YBX3: variants seen among roughly 807,000 people sequenced by gnomAD.
YBX3 encodes the protein Y-box-binding protein 3.
YBX3 carries 29 observed loss-of-function variants against 42.4 expected under a neutral mutation model. That is an observed-to-expected ratio of 0.68 (90% confidence interval 0.51 to 0.93). YBX3 has a LOEUF of 0.93. Among genes scored for constraint, YBX3 ranks in the 40% least tolerant of loss-of-function variants. The pLI, the probability that YBX3 is intolerant of heterozygous loss-of-function variation, is 0.00. For synonymous variants in YBX3, 195 were observed against 189.8 expected, an observed-to-expected ratio of 1.03 and a Z score of -0.22; for missense variants, 517 against 527.5, an observed-to-expected ratio of 0.98 and a Z score of 0.19.
chr12:10,701,986 TAGG>T lies in YBX3; in HGVS notation c.1024_1026del (p.Pro342del), dbSNP rs1372632641. 22 of 1,613,560 alleles carry T rather than the reference TAGG, an allele frequency of 1.4e-5. No homozygotes were observed. The highest frequency in any genetic ancestry group is 1.8e-5 in the Non-Finnish European group (21 of 1,179,840). On this transcript the variant is annotated inframe_deletion, in exon 8 of 10. Transcript: ENST00000228251. ...TCTTTGCCATCTTGTGAAGGAGCGT[TAGG>T]AGGACGCGGGCGACGCCGGTAATTG...
At chr12:10,701,141 G>C in intron 9 of YBX3, 113 bp downstream of exon 9, 2 of 640,554 alleles carry the variant, frequency 3.1e-6, no homozygotes, top group Non-Finnish European at 5.7e-6. Context: ...AGAGACAAGG[G>C]GTTGGCACAG....
chr12:10,715,585 T>C, intron 4 of YBX3, 109 bp downstream of exon 4: 2 of 1,017,862 alleles, frequency 2.0e-6, no homozygotes, highest in Middle Eastern at 2.1e-4. Context: ...TTCCTGCTAT[T>C]GTACAAAAAT....
intron 4 of YBX3, 81 bp from the exon 5 acceptor site, chr12:10,713,414 A>G (rs898676616): frequency 5.0e-5 from 74 of 1,474,594 alleles, no homozygotes; most frequent in Admixed American, 2.2e-4. Flanking sequence ...CTGCTAGAGT[A>G]TAAGACTGGC....
chr12:10,705,154 C>T (rs535688534), intron 6 of YBX3, among the ~76,000 whole-genome samples: 4 of 152,176 alleles, frequency 2.6e-5, no homozygotes, highest in South Asian at 4.2e-4. Flanking sequence ...AGTGCAGTGG[C>T]GCGATCTCAG....
intron 6 of YBX3, among the ~76,000 whole-genome samples, chr12:10,706,590 G>T (rs1565587051): frequency 6.6e-6 from 1 of 152,126 alleles, no homozygotes; most frequent in Non-Finnish European, 1.5e-5. Context: ...ACTGTCCTTT[G>T]CTAGACAATC....
In YBX3 at chr12:10,715,796, C is replaced by A. The variant is rs377175710; in HGVS notation, c.361-13G>T. ...TCTTGATGGCAGTCTGGAAAGAGAA[C>A]AGAAAATTTTATTCGATGTATATTT... On this transcript the variant is annotated splice_polypyrimidine_tract_variant and intron_variant, in intron 3 of 9. Transcript: ENST00000228251. 8 of 1,610,056 alleles carry A rather than the reference C, an allele frequency of 5.0e-6. No homozygotes were observed. In the South Asian group the frequency reaches 8.8e-5, roughly 18 times the overall value.
At chr12:10,701,446 G>A in intron 8 of YBX3, 93 bp from the exon 9 acceptor site, 1 of 740,280 alleles carries the variant, frequency 1.4e-6, no homozygotes, top group Non-Finnish European at 2.5e-6. Flanking sequence ...ATTTTCCTGT[G>A]AAGGAAAATT....
At chr12:10,704,330 A>C in intron 6 of YBX3, 182 bp from the exon 7 acceptor site, 1 of 539,204 alleles carries the variant, frequency 1.9e-6, no homozygotes, top group Non-Finnish European at 3.3e-6. Flanking sequence ...CTGAAAAGGA[A>C]GACAAACCTA....
chr12:10,704,798 C>T (rs1356433575), intron 6 of YBX3, among the ~76,000 whole-genome samples: 13 of 152,306 alleles, frequency 8.5e-5, no homozygotes, highest in Non-Finnish European at 1.6e-4. Context: ...AAGTTCATAT[C>T]TGAAACCAAC....
At chr12:10,709,007 T>G (rs760105257) in intron 6 of YBX3, among the ~76,000 whole-genome samples, 1 of 152,212 alleles carries the variant, frequency 6.6e-6, no homozygotes, top group Non-Finnish European at 1.5e-5. Context: ...TCTCTCCATA[T>G]ATGTAAGTCT....
intron 7 of YBX3, chr12:10,702,786 G>A (rs879933376): frequency 4.6e-5 from 7 of 152,116 alleles, no homozygotes; most frequent in African/African-American, 9.7e-5. Context: ...ACAGAATTTA[G>A]CAGAGACTAA....
intron 6 of YBX3, among the ~76,000 whole-genome samples, chr12:10,705,061 AAAGT>A (rs1948122526): frequency 6.6e-6 from 1 of 152,150 alleles, no homozygotes; most frequent in South Asian, 2.1e-4. Flanking sequence ...ATTATGCACT[AAAGT>A]AAGTTATATC....
chr12:10,716,866 G>C (rs1948268828), intron 3 of YBX3, among the ~76,000 whole-genome samples: 2 of 152,146 alleles, frequency 1.3e-5, no homozygotes, highest in South Asian at 2.1e-4. Flanking sequence ...TGTTAAACTG[G>C]GCAAGCCTCA....
At chr12:10,717,995 A>C in intron 3 of YBX3, 93 bp downstream of exon 3, 1 of 1,046,108 alleles carries the variant, frequency 9.6e-7, no homozygotes, top group East Asian at 2.5e-5. Context: ...GATTAAAATA[A>C]TAATCCATAG....
At chr12:10,703,954 A>G (rs988287183) in intron 7 of YBX3, 97 bp downstream of exon 7, 1 of 1,153,288 alleles carries the variant, frequency 8.7e-7, no homozygotes, top group Admixed American at 1.8e-5. Context: ...CATCTTCTAG[A>G]TATATAATAA....
intron 6 of YBX3, among the ~76,000 whole-genome samples, chr12:10,706,444 A>G (rs1948137931): frequency 6.6e-6 from 1 of 152,186 alleles, no homozygotes; most frequent in Non-Finnish European, 1.5e-5. Context: ...CATTCTATTT[A>G]AACTTTTGTC....
intron 7 of YBX3, chr12:10,702,691 T>C (rs1425949651): frequency 6.6e-6 from 1 of 152,206 alleles, no homozygotes; most frequent in Non-Finnish European, 1.5e-5. Flanking sequence ...ACACATACTC[T>C]GTTCCTATCA....
chr12:10,699,801 T>TA (rs1247124526), intron 9 of YBX3, 147 bp from the exon 10 acceptor site: 1 of 152,590 alleles, frequency 6.6e-6, no homozygotes, highest in African/African-American at 2.4e-5. Flanking sequence ...TATAGATCTG[T>TA]AAGCTATATG....
At chr12:10,713,479 A>G (rs1948224558) in intron 4 of YBX3, 146 bp from the exon 5 acceptor site, 3 of 1,030,470 alleles carry the variant, frequency 2.9e-6, no homozygotes, top group Non-Finnish European at 4.1e-6. Flanking sequence ...GGTTTTAAAC[A>G]AAGTGAGCAA....
Sources: allele counts gnomAD v4.1 joint callset (sites outside exome capture counted in the v4.1 genomes callset), GRCh38; gene constraint gnomAD v4.1.1; transcripts MANE v1.5; gene names NCBI Gene and HGNC (gene_info 2026-07-23, HGNC 2026-07-21).